The following TCIM variants were observed in gnomAD, a reference collection of about 807,000 sequenced individuals.
TCIM encodes transcriptional and immune response regulator.
In TCIM, 5 loss-of-function variants were observed where a neutral mutation model predicts 7.0. The observed-to-expected ratio is 0.71, with a 90% CI of 0.37 to 1.50. The LOEUF (loss-of-function observed/expected upper bound fraction) is 1.50. Among genes scored for constraint, TCIM ranks in the 40% most tolerant of loss-of-function variants. The probability of loss-of-function intolerance (pLI) is 0.03; values close to 1 mark genes in which losing one functional copy is unlikely to be tolerated. For missense variants in TCIM, 137 were observed against 129.7 expected (o/e 1.06, Z -0.27); for synonymous variants, 66 against 50.3 (o/e 1.31, Z -1.32).
Position 40,153,986 on chromosome 8 carries a change from G to C in TCIM, c.*133G>C. On this transcript the variant is annotated 3_prime_UTR_variant, in exon 1 of 1. Coordinates refer to ENST00000315792, the MANE Select transcript of TCIM (RefSeq NM_020130.5). ...TCTTCTGTCAGGACTCCAGAGGCTG[G>C]AAAGGGACCGGGACTGGAAAGGGAC... 1 of 805,364 alleles carries C rather than the reference G, an allele frequency of 1.2e-6. No homozygotes were observed. The highest frequency in any genetic ancestry group is 2.0e-6 in the Non-Finnish European group (1 of 503,856). The allele number at this position is 805,364 out of a possible 1,614,324, so 49.9% of individuals were successfully genotyped here.
chr8:40,153,782 T>C lies in TCIM; in HGVS notation c.250T>C (p.Leu84=), dbSNP rs941054937. 1.4e-5 allele frequency: 22 copies of C among 1,614,128 alleles called. No homozygotes were observed. The highest frequency in any genetic ancestry group is 1.9e-5 in the Non-Finnish European group (22 of 1,180,018). The change falls in exon 1 of 1, where the codon TTG becomes CTG. Residue 84 remains leucine, a synonymous_variant. Coordinates refer to ENST00000315792, the MANE Select transcript of TCIM (RefSeq NM_020130.5). ...GGAGAAAACGCGTGCCCTGATGGCC[T>C]TGAAGAAGAGGACAAAAGACAAGCT... ...VEEKTRALMA[L]KKRTKDKLFQ...
rs535961755 is a variant in TCIM at position 40,154,920 on chromosome 8, G to C, written c.*1067G>C. On this transcript the variant is annotated 3_prime_UTR_variant, in exon 1 of 1. Transcript: ENST00000315792. ...TCTCTAACAATAAAAGTTAATTTTA[G>C]AGTAGTTTTATATTAATTACCAAAC... 6.0e-6 allele frequency: 1 copy of C among 167,050 alleles called. No individual in the cohort carries two copies. The highest frequency in any genetic ancestry group is 1.9e-4 in the East Asian group (1 of 5,190). The allele number at this position is 167,050 out of a possible 1,614,324, so 10.3% of individuals were successfully genotyped here.
In TCIM at chr8:40,154,524, C is replaced by T. The variant is rs768048473; in HGVS notation, c.*671C>T. The T allele has an allele frequency of 8.6e-5, 21 of 244,230 alleles. No homozygotes were observed. Among genetic ancestry groups the T allele is most frequent in the East Asian group, 3.5e-4 (4 of 11,496 alleles). 15.1% of individuals were successfully genotyped at this position (244,230 alleles called of 1,614,324 possible). A position where few individuals can be genotyped will look rare whatever the true frequency, so the allele number is the denominator to read the frequency against. ...TCTTCAGCAACTCAGTAAAACCTTA[C>T]GCCACCTTTTGGTTTGTAAAAGGTT... On this transcript the variant is annotated 3_prime_UTR_variant, in exon 1 of 1. Transcript: ENST00000315792.
chr8:40,153,705 A>G lies in TCIM; in HGVS notation c.173A>G (p.Lys58Arg), dbSNP rs1307487421. The G allele has an allele frequency of 6.2e-7, 1 of 1,614,188 alleles. No homozygotes were observed. The highest frequency in any genetic ancestry group is 1.1e-5 in the South Asian group (1 of 91,090). Residue 58 changes from lysine (K) to arginine (R), a missense_variant, in exon 1 of 1, where the codon AAG becomes AGG. Transcript: ENST00000315792. ...LERLFRNSGD[K>R]KAEERAKIIF... ...AGGCTCTTCAGAAACTCTGGAGACA[A>G]GAAAGCAGAGGAGAGAGCCAAGATC... is the stretch of plus-strand genomic sequence containing the variant.
In TCIM at chr8:40,155,106, G is replaced by A. The variant is rs1321697912; in HGVS notation, c.*1253G>A. The A allele has an allele frequency of 1.2e-5, 2 of 166,818 alleles. No homozygotes were observed. The highest frequency in any genetic ancestry group is 4.8e-5 in the African/African-American group (2 of 41,394). 10.3% of individuals were successfully genotyped at this position (166,818 alleles called of 1,614,324 possible). Reference sequence around the variant, plus strand: ...TAAAAGGCTTTCTCTTCATACTTTTGAAAAATTTCTTCTATGATTACAGTA... The same window carrying A: ...TAAAAGGCTTTCTCTTCATACTTTTAAAAAATTTCTTCTATGATTACAGTA... On this transcript the variant is annotated 3_prime_UTR_variant, in exon 1 of 1. Coordinates refer to ENST00000315792, the MANE Select transcript of TCIM (RefSeq NM_020130.5).
Position 40,153,717 on chromosome 8 carries a change from A to G in TCIM, c.185A>G (p.Glu62Gly). The G allele has an allele frequency of 1.2e-6, 2 of 1,614,168 alleles. No individual in the cohort carries two copies. Among genetic ancestry groups the G allele is most frequent in the South Asian group, 2.2e-5 (2 of 91,082 alleles). Residue 62 changes from glutamate to glycine, a missense_variant, in exon 1 of 1, where the codon GAG becomes GGG. Coordinates refer to ENST00000315792, the MANE Select transcript of TCIM (RefSeq NM_020130.5). ...AACTCTGGAGACAAGAAAGCAGAGG[A>G]GAGAGCCAAGATCATTTTTGCCATA... is the stretch of plus-strand genomic sequence containing the variant. ...FRNSGDKKAE[E>G]RAKIIFAIDQ...
rs898075440 is a variant in TCIM at position 40,154,420 on chromosome 8, ATTAT to A, written c.*574_*577del. Reference sequence around the variant, plus strand: ...ATAGATTTTTAGAAATCAATAATTGATTATTTATTTGCACTTATTACAATGCCTG... The same window carrying A: ...ATAGATTTTTAGAAATCAATAATTGATTATTTGCACTTATTACAATGCCTG... On this transcript the variant is annotated 3_prime_UTR_variant, in exon 1 of 1. Transcript: ENST00000315792. 6 of 396,494 alleles carry A rather than the reference ATTAT, an allele frequency of 1.5e-5. No homozygotes were observed. The highest frequency in any genetic ancestry group is 1.4e-5 in the Non-Finnish European group (3 of 216,066). 24.6% of individuals were successfully genotyped at this position (396,494 alleles called of 1,614,324 possible). A position where few individuals can be genotyped will look rare whatever the true frequency, so the allele number is the denominator to read the frequency against.
Position 40,155,014 on chromosome 8 carries a change from A to G in TCIM, c.*1161A>G, listed in dbSNP as rs1382221335. 1.2e-5 allele frequency: 2 copies of G among 167,042 alleles called. No homozygotes were observed. Among genetic ancestry groups the G allele is most frequent in the African/African-American group, 2.4e-5 (1 of 41,448 alleles). The allele number at this position is 167,042 out of a possible 1,614,324, so 10.3% of individuals were successfully genotyped here. On this transcript the variant is annotated 3_prime_UTR_variant, in exon 1 of 1. Transcript: ENST00000315792. ...CTGTCCCAATCTTAAAATATAAAAT[A>G]TAGATATAGAAGTTCATAGATTGAC...
Position 40,154,398 on chromosome 8 carries a change from G to C in TCIM, c.*545G>C. ...AGCCTGAGTATTGTCTATTGGTATA[G>C]ATTTTTAGAAATCAATAATTGATTA... On this transcript the variant is annotated 3_prime_UTR_variant, in exon 1 of 1. Transcript: ENST00000315792. 1 of 406,896 alleles carries C rather than the reference G, an allele frequency of 2.5e-6. No individual in the cohort carries two copies. Among genetic ancestry groups the C allele is most frequent in the Non-Finnish European group, 4.5e-6 (1 of 222,550 alleles). 25.2% of individuals were successfully genotyped at this position (406,896 alleles called of 1,614,324 possible).
rs1804780408 is a variant in TCIM, at chr8:40,155,279, A to C, written c.*1426A>C. ...TTATCTCTTTGCTTATTTCCCGTTA[A>C]AACTATAATAAAATGTTTCTAGGAC... On this transcript the variant is annotated 3_prime_UTR_variant, in exon 1 of 1. Transcript: ENST00000315792. 1 of 166,788 alleles carries C rather than the reference A, an allele frequency of 6.0e-6. No individual in the cohort carries two copies. The highest frequency in any genetic ancestry group is 2.4e-5 in the African/African-American group (1 of 41,454). The allele number at this position is 166,788 out of a possible 1,614,324, so 10.3% of individuals were successfully genotyped here.
rs561189796 is a variant in TCIM, at chr8:40,153,995, C to T, written c.*142C>T. The T allele has an allele frequency of 5.3e-6, 4 of 752,752 alleles. No homozygotes were observed. The highest frequency in any genetic ancestry group is 6.6e-6 in the Non-Finnish European group (3 of 457,714). 46.6% of individuals were successfully genotyped at this position (752,752 alleles called of 1,614,324 possible). On this transcript the variant is annotated 3_prime_UTR_variant, in exon 1 of 1. Transcript: ENST00000315792. ...AGGACTCCAGAGGCTGGAAAGGGACCGGGACTGGAAAGGGACCAGGACTGA... is the reference window on the plus strand; with the variant it reads ...AGGACTCCAGAGGCTGGAAAGGGACTGGGACTGGAAAGGGACCAGGACTGA...
rs1804766575 is a variant in TCIM at position 40,154,572 on chromosome 8, G to A, written c.*719G>A. The A allele has an allele frequency of 5.4e-6, 1 of 184,422 alleles. No homozygotes were observed. Among genetic ancestry groups the A allele is most frequent in the Admixed American group, 6.4e-5 (1 of 15,740 alleles). 11.4% of individuals were successfully genotyped at this position (184,422 alleles called of 1,614,324 possible). On this transcript the variant is annotated 3_prime_UTR_variant, in exon 1 of 1. Transcript: ENST00000315792. Reference sequence around the variant, plus strand: ...GTTTTTTATACATTTCAAACAGGTTGCACAAAAGTTAAAATAATGGGGTCT... The same window carrying A: ...GTTTTTTATACATTTCAAACAGGTTACACAAAAGTTAAAATAATGGGGTCT...
rs778076182 is a variant in TCIM, at chr8:40,153,979, G to A, written c.*126G>A. On this transcript the variant is annotated 3_prime_UTR_variant, in exon 1 of 1. Transcript: ENST00000315792. ...AAGCTTCTCTTCTGTCAGGACTCCA[G>A]AGGCTGGAAAGGGACCGGGACTGGA... is the stretch of plus-strand genomic sequence containing the variant. 18 of 885,380 alleles carry A rather than the reference G, an allele frequency of 2.0e-5. No homozygotes were observed. Among genetic ancestry groups the A allele is most frequent in the Admixed American group, 2.8e-5 (1 of 36,002 alleles). The allele number at this position is 885,380 out of a possible 1,614,324, so 54.8% of individuals were successfully genotyped here. A position where few individuals can be genotyped will look rare whatever the true frequency, so the allele number is the denominator to read the frequency against.
chr8:40,153,647 A>G lies in TCIM; in HGVS notation c.115A>G (p.Ile39Val), dbSNP rs758089376. The G allele has an allele frequency of 6.2e-7, 1 of 1,614,174 alleles. No homozygotes were observed. Among genetic ancestry groups the G allele is most frequent in the Non-Finnish European group, 8.5e-7 (1 of 1,180,012 alleles). ...TASRKKAVGN[I>V]FENTDQESLE... ...CTCTCGTAAGAAAGCCGTGGGCAAC[A>G]TCTTTGAAAACACAGACCAAGAATC... is the stretch of plus-strand genomic sequence containing the variant. Residue 39 changes from isoleucine to valine, a missense_variant, in exon 1 of 1, where the codon ATC (isoleucine) becomes GTC (valine). Transcript: ENST00000315792.
rs373927057 is a variant in TCIM at position 40,153,765 on chromosome 8, C to A, written c.233C>A (p.Thr78Lys). Reference protein sequence around the residue: ...FAIDQDVEEKTRALMALKKRT... With the variant: ...FAIDQDVEEKKRALMALKKRT... ...ATAGATCAAGATGTGGAGGAGAAAA[C>A]GCGTGCCCTGATGGCCTTGAAGAAG... Residue 78 changes from threonine (T) to lysine (K), a missense_variant, in exon 1 of 1, where the codon ACG becomes AAG. Coordinates refer to ENST00000315792, the MANE Select transcript of TCIM (RefSeq NM_020130.5). 14 of 1,613,996 alleles carry A rather than the reference C, an allele frequency of 8.7e-6. No homozygotes were observed. The Admixed American group carries it at 2.0e-4, about 23-fold the overall frequency.
rs549858289 is a variant in TCIM at position 40,154,016 on chromosome 8, A to C, written c.*163A>C. 1.6e-6 allele frequency: 1 copy of C among 643,620 alleles called. No individual in the cohort carries two copies. Among genetic ancestry groups the C allele is most frequent in the Non-Finnish European group, 2.8e-6 (1 of 363,254 alleles). The allele number at this position is 643,620 out of a possible 1,614,324, so 39.9% of individuals were successfully genotyped here. ...GGACCGGGACTGGAAAGGGACCAGG[A>C]CTGAACAGACTGGTTACAAAGACTC... On this transcript the variant is annotated 3_prime_UTR_variant, in exon 1 of 1. Coordinates refer to ENST00000315792, the MANE Select transcript of TCIM (RefSeq NM_020130.5).
rs1366783876 is a variant in TCIM, at chr8:40,155,277, TAAAAC to T, written c.*1425_*1429del. ...TATTATCTCTTTGCTTATTTCCCGT[TAAAAC>T]TATAATAAAATGTTTCTAGGACAGC... On this transcript the variant is annotated 3_prime_UTR_variant, in exon 1 of 1. Transcript: ENST00000315792. 1 of 166,822 alleles carries T rather than the reference TAAAAC, an allele frequency of 6.0e-6. No homozygotes were observed. Among genetic ancestry groups the T allele is most frequent in the Non-Finnish European group, 1.5e-5 (1 of 68,110 alleles). The allele number at this position is 166,822 out of a possible 1,614,324, so 10.3% of individuals were successfully genotyped here.
chr8:40,154,332 G>T lies in TCIM; in HGVS notation c.*479G>T. The T allele has an allele frequency of 4.9e-6, 2 of 412,030 alleles. No individual in the cohort carries two copies. Among genetic ancestry groups the T allele is most frequent in the Non-Finnish European group, 8.8e-6 (2 of 226,162 alleles). The allele number at this position is 412,030 out of a possible 1,614,324, so 25.5% of individuals were successfully genotyped here. On this transcript the variant is annotated 3_prime_UTR_variant, in exon 1 of 1. Coordinates refer to ENST00000315792, the MANE Select transcript of TCIM (RefSeq NM_020130.5). ...GGAGAGAAAATACCATGCATAAATT[G>T]TTTACTGAATTTTTATATCTGAGTG...
In TCIM at chr8:40,154,443, A is replaced by G; in HGVS notation, c.*590A>G. The G allele has an allele frequency of 2.7e-6, 1 of 365,248 alleles. No homozygotes were observed. Among genetic ancestry groups the G allele is most frequent in the Non-Finnish European group, 5.1e-6 (1 of 196,670 alleles). 22.6% of individuals were successfully genotyped at this position (365,248 alleles called of 1,614,324 possible). On this transcript the variant is annotated 3_prime_UTR_variant, in exon 1 of 1. Transcript: ENST00000315792. ...TGATTATTTATTTGCACTTATTACA[A>G]TGCCTGAAAAAGTGCACCACATGGA...
Sources: allele counts gnomAD v4.1 joint callset, GRCh38; gene constraint gnomAD v4.1.1; transcripts MANE v1.5; gene names NCBI Gene and HGNC (gene_info 2026-07-23, HGNC 2026-07-21).